Variants in EFCAB12 observed in about 807,000 individuals in gnomAD.
EFCAB12 encodes EF-hand calcium-binding domain-containing protein 12.
EFCAB12 carries 43 observed loss-of-function variants against 53.6 expected under a neutral mutation model. That is an observed-to-expected ratio of 0.80 (90% CI 0.63 to 1.03). EFCAB12 has a LOEUF of 1.03. EFCAB12 is among the 50% of genes least tolerant of loss of function. The probability of loss-of-function intolerance (pLI) is 0.00; values close to 1 mark genes in which losing one functional copy is unlikely to be tolerated. For missense variants in EFCAB12, 646 were observed against 730.6 expected, an observed-to-expected ratio of 0.88 and a Z score of 1.34; for synonymous variants, 269 against 289.2, an observed-to-expected ratio of 0.93 and a Z score of 0.71.
chr3:129,421,419 TCGTGGATCATGTGTAAGA>T lies in EFCAB12; in HGVS notation c.416_433del (p.Val139_His144del). The T allele has an allele frequency of 6.2e-7, 1 of 1,613,714 alleles. No homozygotes were observed. Among genetic ancestry groups the T allele is most frequent in the Non-Finnish European group, 8.5e-7 (1 of 1,179,616 alleles). ...GGCATTTGGCTGGGCACTCTGCTCC[TCGTGGATCATGTGTAAGA>T]CCTTGGCCTCTGAAGGCGTGATGCT... On this transcript the variant is annotated inframe_deletion, in exon 2 of 9. Transcript: ENST00000505956.
intron 6 of EFCAB12, among the ~76,000 whole-genome samples, chr3:129,408,183 C>T (rs1218668157): frequency 1.3e-5 from 2 of 152,190 alleles, no homozygotes; most frequent in African/African-American, 2.4e-5. Flanking sequence ...TGCTTTCATA[C>T]CCCACTGCTT....
At chr3:129,420,399 C>A (rs978517052) in intron 2 of EFCAB12, among the ~76,000 whole-genome samples, 4 of 152,174 alleles carry the variant, frequency 2.6e-5, no homozygotes, top group African/African-American at 9.6e-5. Flanking sequence ...ATGTTTAAAC[C>A]CAACTTATCT....
intron 6 of EFCAB12, 60 bp downstream of exon 6, chr3:129,408,585 C>A: frequency 1.3e-6 from 2 of 1,523,138 alleles, no homozygotes; most frequent in Non-Finnish European, 8.9e-7. Context: ...TGGCATCACC[C>A]TCACCCCAGC....
chr3:129,402,248 A>G (rs947448260), intron 8 of EFCAB12, among the ~76,000 whole-genome samples: 1 of 152,216 alleles, frequency 6.6e-6, no homozygotes, highest in Non-Finnish European at 1.5e-5. Flanking sequence ...GACTCTGAGC[A>G]TGATATTTAC....
intron 1 of EFCAB12, among the ~76,000 whole-genome samples, chr3:129,424,522 C>G (rs921954564): frequency 6.6e-6 from 1 of 152,156 alleles, no homozygotes; most frequent in African/African-American, 2.4e-5. Context: ...TGAGGCCTCC[C>G]CAGCCATGTT....
chr3:129,427,141 C>G (rs2072283537), intron 1 of EFCAB12, among the ~76,000 whole-genome samples: 1 of 152,158 alleles, frequency 6.6e-6, no homozygotes, highest in African/African-American at 2.4e-5. Flanking sequence ...GCCACCCCAC[C>G]AGGCCTGGCT....
intron 7 of EFCAB12, chr3:129,404,027 G>C: frequency 2.0e-6 from 1 of 506,832 alleles, no homozygotes; most frequent in Non-Finnish European, 3.5e-6. Flanking sequence ...GAGGGTAGCT[G>C]TGTGGGAGCT....
At chr3:129,413,050 C>T (rs1420543159) in intron 4 of EFCAB12, 1 of 152,224 alleles carries the variant, frequency 6.6e-6, no homozygotes, top group East Asian at 1.9e-4. Flanking sequence ...CAGCTTCCTC[C>T]TCGTAAAGCA....
At chr3:129,406,320 T>G (rs2071950276) in intron 6 of EFCAB12, among the ~76,000 whole-genome samples, 1 of 152,158 alleles carries the variant, frequency 6.6e-6, no homozygotes, top group South Asian at 2.1e-4. Flanking sequence ...CCAACCCAGG[T>G]AGCACATGTG....
intron 2 of EFCAB12, among the ~76,000 whole-genome samples, chr3:129,420,045 G>A (rs1019981154): frequency 6.6e-6 from 1 of 152,200 alleles, no homozygotes; most frequent in Non-Finnish European, 1.5e-5. Flanking sequence ...CAGTACAGCT[G>A]CATTTCTAAC....
chr3:129,401,697 C>T lies in EFCAB12; in HGVS notation c.1615G>A (p.Val539Ile), dbSNP rs369486906. 6.3e-7 allele frequency: 1 copy of T among 1,593,082 alleles called. No homozygotes were observed. The highest frequency in any genetic ancestry group is 8.5e-7 in the Non-Finnish European group (1 of 1,169,872). The change falls in exon 9 of 9, where the codon GTC becomes ATC. Residue 539 changes from valine (V) to isoleucine (I), a missense_variant. Transcript: ENST00000505956. ...LFSCVQHQPH[V>I]YPATYHPDHW... Reference sequence around the variant, plus strand: ...TCAGGGTGGTAGGTGGCTGGGTAGACATGGGGCTGGTGTTGAACACAACTG... The same window carrying T: ...TCAGGGTGGTAGGTGGCTGGGTAGATATGGGGCTGGTGTTGAACACAACTG...
chr3:129,401,679 G>A lies in EFCAB12; in HGVS notation c.1633C>T (p.His545Tyr). ...HQPHVYPATYHPDHWWPLRNK... is the reference protein window; with the variant it reads ...HQPHVYPATYYPDHWWPLRNK... ...CTAAGGGGCCACCAGTGGTCAGGGTGGTAGGTGGCTGGGTAGACATGGGGC... is the reference window on the plus strand; with the variant it reads ...CTAAGGGGCCACCAGTGGTCAGGGTAGTAGGTGGCTGGGTAGACATGGGGC... The change falls in exon 9 of 9, where the codon CAC becomes TAC. Residue 545 changes from histidine to tyrosine, a missense_variant. His to Tyr is a moderately conservative substitution (Grantham distance 83, BLOSUM62 2). Transcript: ENST00000505956. 6.3e-7 allele frequency: 1 copy of A among 1,590,240 alleles called. No homozygotes were observed. The highest frequency in any genetic ancestry group is 8.6e-7 in the Non-Finnish European group (1 of 1,168,342).
At chr3:129,417,341 C>CAAAAAA (rs1236887523) in intron 3 of EFCAB12, among the ~76,000 whole-genome samples, 25 of 63,694 alleles carry the variant, frequency 3.9e-4, no homozygotes, top group South Asian at 2.4e-3. Context: ...AAAAAAAAAC[C>CAAAAAA]AAAAAAAAAA....
At chr3:129,415,593 T>A (rs2072105764) in intron 3 of EFCAB12, among the ~76,000 whole-genome samples, 192 bp from the exon 4 acceptor site, 1 of 152,208 alleles carries the variant, frequency 6.6e-6, no homozygotes, top group Non-Finnish European at 1.5e-5. Flanking sequence ...CTGCACTTTG[T>A]TACCTTTGCC....
chr3:129,421,745 C>G lies in EFCAB12; in HGVS notation c.108G>C (p.Pro36=). ...NENAPVFDPE[P]VIAHCFKQFQ... is the part of the protein sequence containing the mutation. The stretch of plus-strand genomic sequence containing the variant: ...ACTGCTTGAAGCAGTGGGCAATGAC[C>G]GGTTCAGGATCAAAGACGGGAGCAT... Residue 36 remains proline (P), a synonymous_variant, in exon 2 of 9, where the codon CCG becomes CCC. Transcript: ENST00000505956. 1.9e-6 allele frequency: 3 copies of G among 1,613,784 alleles called. No homozygotes were observed. Among genetic ancestry groups the G allele is most frequent in the Non-Finnish European group, 2.5e-6 (3 of 1,179,848 alleles).
At chr3:129,423,280 C>T (rs994837953) in intron 1 of EFCAB12, among the ~76,000 whole-genome samples, 1 of 152,204 alleles carries the variant, frequency 6.6e-6, no homozygotes, top group African/African-American at 2.4e-5. Context: ...CTCTATCTAC[C>T]TCTTGAAGTT....
At chr3:129,415,567 G>C (rs12633058) in intron 3 of EFCAB12, among the ~76,000 whole-genome samples, 166 bp from the exon 4 acceptor site, 2 of 152,016 alleles carry the variant, frequency 1.3e-5, no homozygotes, top group Admixed American at 1.3e-4. Context: ...GCCCTTTCCC[G>C]GTCCTTGAAT....
chr3:129,423,001 A>G (rs1181940165), intron 1 of EFCAB12, among the ~76,000 whole-genome samples: 1 of 152,180 alleles, frequency 6.6e-6, no homozygotes, highest in Non-Finnish European at 1.5e-5. Context: ...CAGTGTCTAC[A>G]TATAATGGGA....
chr3:129,414,258 C>T (rs1431835786), intron 4 of EFCAB12: 1 of 152,262 alleles, frequency 6.6e-6, no homozygotes, highest in Non-Finnish European at 1.5e-5. Context: ...AATGGATGCT[C>T]TGAGCTGCCT....
Sources: allele counts gnomAD v4.1 joint callset (sites outside exome capture counted in the v4.1 genomes callset), GRCh38; gene constraint gnomAD v4.1.1; transcripts MANE v1.5; gene names NCBI Gene and HGNC (gene_info 2026-07-23, HGNC 2026-07-21).